TEAD4: variants seen among roughly 807,000 people sequenced by gnomAD.
TEAD4 encodes TEA domain transcription factor 4.
In TEAD4, 36 loss-of-function variants were observed where a neutral mutation model predicts 52.4. The observed-to-expected ratio is 0.69, with a 90% CI of 0.53 to 0.91. The LOEUF (loss-of-function observed/expected upper bound fraction) is 0.91, where lower values mean the gene tolerates loss of function less well. TEAD4 is among the 40% of genes least tolerant of loss of function. TEAD4 has a pLI of 0.00. For missense variants in TEAD4, 508 were observed against 583.9 expected (o/e 0.87, Z 1.34); for synonymous variants, 220 against 231.0 (o/e 0.95, Z 0.43).
At chr12:3,031,454 C>T (rs1347059556) in intron 10 of TEAD4, among the ~76,000 whole-genome samples, 1 of 152,212 alleles carries the variant, frequency 6.6e-6, no homozygotes, top group Non-Finnish European at 1.5e-5. Context: ...CTGCCTTTAG[C>T]TATTGGTGAT....
In TEAD4 at chr12:3,021,861, C is replaced by G. The variant is rs768680578; in HGVS notation, c.741C>G (p.Phe247Leu). The change falls in exon 10 of 13, where the codon TTC becomes TTG. Residue 247 changes from phenylalanine (F) to leucine (L), a missense_variant. By Grantham distance (22) the Phe-to-Leu change is conservative. Coordinates refer to ENST00000359864, the MANE Select transcript of TEAD4 (RefSeq NM_003213.4). ...CTCCACAGTACAACAAGCACCTGTTCGTGCACATTGGCCAGTCCAGCCCAA... is the reference window on the plus strand; with the variant it reads ...CTCCACAGTACAACAAGCACCTGTTGGTGCACATTGGCCAGTCCAGCCCAA... 6.2e-6 allele frequency: 10 copies of G among 1,614,136 alleles called. No homozygotes were observed. Among genetic ancestry groups the G allele is most frequent in the Non-Finnish European group, 7.6e-6 (9 of 1,179,992 alleles).
chr12:2,962,063 A>C (rs2098215802), intron 2 of TEAD4, among the ~76,000 whole-genome samples: 1 of 151,788 alleles, frequency 6.6e-6, no homozygotes, highest in Admixed American at 6.6e-5. Context: ...ACATTATTAG[A>C]TACCCTAATG....
chr12:3,032,615 C>T (rs2098276378), intron 10 of TEAD4, among the ~76,000 whole-genome samples: 1 of 152,188 alleles, frequency 6.6e-6, no homozygotes, highest in African/African-American at 2.4e-5. Flanking sequence ...GGGGACCTGC[C>T]AGGGGCTGTG....
intron 8 of TEAD4, among the ~76,000 whole-genome samples, chr12:3,020,398 G>A (rs1352214923): frequency 6.6e-6 from 1 of 151,932 alleles, no homozygotes; most frequent in Non-Finnish European, 1.5e-5. Context: ...TCCATGCAGA[G>A]TGCTGAGTGG....
At chr12:2,969,530 C>T (rs1466841379) in intron 2 of TEAD4, among the ~76,000 whole-genome samples, 1 of 152,192 alleles carries the variant, frequency 6.6e-6, no homozygotes, top group Non-Finnish European at 1.5e-5. Context: ...TAGGTCACCT[C>T]CAGGGCCACT....
At chr12:2,996,543 T>A (rs1390928509) in intron 3 of TEAD4, among the ~76,000 whole-genome samples, 2 of 151,976 alleles carry the variant, frequency 1.3e-5, no homozygotes, top group Non-Finnish European at 2.9e-5. Context: ...CCGAGTAAGC[T>A]TGGATTACAG....
At chr12:2,987,084 T>C (rs929575079) in intron 2 of TEAD4, among the ~76,000 whole-genome samples, 1 of 152,204 alleles carries the variant, frequency 6.6e-6, no homozygotes, top group Non-Finnish European at 1.5e-5. Flanking sequence ...CACTTGGTTT[T>C]GGGCATGTTG....
At chr12:3,028,943 T>C (rs2098273741) in intron 10 of TEAD4, among the ~76,000 whole-genome samples, 1 of 152,148 alleles carries the variant, frequency 6.6e-6, no homozygotes, top group Admixed American at 6.6e-5. Context: ...ATTGCCCATT[T>C]TTATAATAAA....
In TEAD4 at chr12:3,040,147, G is replaced by A. The variant is rs1172939530; in HGVS notation, c.1079G>A (p.Arg360His). 10 of 1,614,010 alleles carry A rather than the reference G, an allele frequency of 6.2e-6. No homozygotes were observed. The East Asian group carries it at 1.3e-4, about 22-fold the overall frequency. The change falls in exon 12 of 13, where the codon CGC becomes CAC. Residue 360 changes from arginine to histidine, a missense_variant. Transcript: ENST00000359864. ...TATGAGAATGGACACTACTCTTACC[G>A]CATCCACCGGTCCCCGCTCTGTGAG... is the stretch of plus-strand genomic sequence containing the variant.
chr12:2,961,435 A>G (rs1565517688), intron 2 of TEAD4, among the ~76,000 whole-genome samples: 1 of 151,798 alleles, frequency 6.6e-6, no homozygotes, highest in East Asian at 1.9e-4. Flanking sequence ...TTGCTCCTCC[A>G]TCCATCCTGA....
intron 3 of TEAD4, among the ~76,000 whole-genome samples, chr12:3,004,711 A>G (rs1291645920): frequency 1.3e-5 from 2 of 152,220 alleles, no homozygotes; most frequent in African/African-American, 2.4e-5. Context: ...CTGTATCCGC[A>G]CAGATACTTG....
chr12:3,027,497 G>A (rs143433528), intron 10 of TEAD4, among the ~76,000 whole-genome samples: 2 of 152,324 alleles, frequency 1.3e-5, no homozygotes, highest in African/African-American at 4.8e-5. Flanking sequence ...TTGGGAGGCC[G>A]AAGCAGACAG....
intron 11 of TEAD4, among the ~76,000 whole-genome samples, chr12:3,038,940 C>T (rs978671483): frequency 2.0e-5 from 3 of 152,192 alleles, no homozygotes; most frequent in Admixed American, 1.3e-4. Flanking sequence ...GGCCCTGTGC[C>T]GCCCACACAC....
Position 3,001,524 on chromosome 12 carries a change from C to T in TEAD4, c.226+6532C>T, listed in dbSNP as rs536650237. Among the ~76,000 whole-genome samples the T allele has an allele frequency of 2.6e-5, 4 of 152,336 alleles. No homozygotes were observed. In the South Asian group the frequency reaches 8.3e-4, roughly 32 times the overall value. On this transcript the variant is annotated intron_variant, in intron 3 of 12. Coordinates refer to ENST00000359864, the MANE Select transcript of TEAD4 (RefSeq NM_003213.4). Reference sequence around the variant, plus strand: ...CGGTGGCTCACGCCTGTAATCCCAGCACTTTGGGAGGCCGAGGCGGGTGAA... The same window carrying T: ...CGGTGGCTCACGCCTGTAATCCCAGTACTTTGGGAGGCCGAGGCGGGTGAA...
intron 2 of TEAD4, among the ~76,000 whole-genome samples, chr12:2,960,581 C>A (rs1418364620): frequency 6.6e-6 from 1 of 152,174 alleles, no homozygotes; most frequent in Non-Finnish European, 1.5e-5. Flanking sequence ...TGTGTGACAC[C>A]TGACTGCGAG....
chr12:2,995,038 G>C lies in TEAD4; in HGVS notation c.226+46G>C, dbSNP rs377586932. The C allele has an allele frequency of 2.5e-5, 39 of 1,586,660 alleles. No individual in the cohort carries two copies. In the African/African-American group the frequency reaches 3.4e-4, roughly 14 times the overall value. On this transcript the variant is annotated intron_variant, in intron 3 of 12. Transcript: ENST00000359864. ...AGCCCTGTACCTGAGGCTGAGGCAA[G>C]GGGCCGACACCAGAACCTTGGGGTT...
intron 2 of TEAD4, among the ~76,000 whole-genome samples, chr12:2,975,269 G>A (rs1298184201): frequency 1.3e-5 from 2 of 151,042 alleles, no homozygotes; most frequent in African/African-American, 2.4e-5. Flanking sequence ...TTCTTGCCCC[G>A]CCCCCAGTCA....
intron 3 of TEAD4, 134 bp from the exon 4 acceptor site, chr12:3,010,870 C>A: frequency 1.1e-6 from 1 of 909,698 alleles, no homozygotes; most frequent in African/African-American, 1.7e-5. Flanking sequence ...CCCACAGAAT[C>A]CTCACCCCAC....
rs761881091 is a variant in TEAD4 at position 3,019,189 on chromosome 12, G to T, written c.583+19G>T. The T allele has an allele frequency of 6.2e-7, 1 of 1,613,112 alleles. No homozygotes were observed. The highest frequency in any genetic ancestry group is 2.2e-5 in the East Asian group (1 of 44,862). ...CTGCCAGGTGGGTGGGCGCTGCGTGGCCCCCTTTCTATCGCAGCCATGTGG... is the reference window on the plus strand; with the variant it reads ...CTGCCAGGTGGGTGGGCGCTGCGTGTCCCCCTTTCTATCGCAGCCATGTGG... On this transcript the variant is annotated intron_variant, in intron 8 of 12. Transcript: ENST00000359864.
Sources: allele counts gnomAD v4.1 joint callset (sites outside exome capture counted in the v4.1 genomes callset), GRCh38; gene constraint gnomAD v4.1.1; transcripts MANE v1.5; gene names NCBI Gene and HGNC (gene_info 2026-07-23, HGNC 2026-07-21).